The following DIAPH2 variants were observed in gnomAD, a reference collection of about 807,000 sequenced individuals.
DIAPH2 encodes protein diaphanous homolog 2.
DIAPH2 carries 35 observed loss-of-function variants against 92.7 expected under a neutral mutation model. The observed-to-expected ratio is 0.38, with a 90% CI of 0.29 to 0.50. The LOEUF is 0.50. DIAPH2 is among the 20% of genes least tolerant of loss of function. The probability of loss-of-function intolerance (pLI) is 0.94; values close to 1 mark genes in which losing one functional copy is unlikely to be tolerated. For synonymous variants in DIAPH2, 301 were observed against 280.4 expected, an observed-to-expected ratio of 1.07 and a Z score of -0.73; for missense variants, 701 against 819.5, an observed-to-expected ratio of 0.86 and a Z score of 1.77.
chrX:97,193,304 G>T (rs1033311722), intron 22 of DIAPH2, among the ~76,000 whole-genome samples: 1 of 111,295 alleles, frequency 9.0e-6, no homozygotes, highest in East Asian at 2.8e-4. Context: ...ATAAGCCACC[G>T]TGCCCAGCCC....
chrX:97,503,936 G>T (rs752625522), intron 26 of DIAPH2, among the ~76,000 whole-genome samples: 2 of 111,469 alleles, frequency 1.8e-5, no homozygotes, highest in Non-Finnish European at 3.8e-5. Flanking sequence ...TAAATAGTCA[G>T]CTATGTTAAG....
chrX:97,062,454 T>C (rs763411455), intron 17 of DIAPH2, among the ~76,000 whole-genome samples: 61 of 111,446 alleles, frequency 5.5e-4, no homozygotes, highest in African/African-American at 1.9e-3. Context: ...TTCAGCATGC[T>C]AATTCAGTAG....
chrX:96,831,253 C>T (rs233692), intron 4 of DIAPH2, among the ~76,000 whole-genome samples: 47,345 of 110,558 alleles, frequency 0.43, 8,887 homozygotes, highest in African/African-American at 0.74. Flanking sequence ...TACAAAGTAG[C>T]TCCCATTTCC....
chrX:96,815,516 G>A (rs1032924255), intron 4 of DIAPH2, among the ~76,000 whole-genome samples: 5 of 111,952 alleles, frequency 4.5e-5, no homozygotes, highest in South Asian at 3.7e-4. Context: ...GCTTCGTCTC[G>A]CCCTCCGTGG....
chrX:97,102,397 C>A (rs1045694216), intron 20 of DIAPH2, among the ~76,000 whole-genome samples: 1 of 111,744 alleles, frequency 8.9e-6, no homozygotes, highest in Non-Finnish European at 1.9e-5. Context: ...ACTTCAAAAC[C>A]TCCAATATTT....
chrX:97,244,876 G>A (rs1020146360), intron 22 of DIAPH2, among the ~76,000 whole-genome samples: 6 of 111,367 alleles, frequency 5.4e-5, no homozygotes, highest in African/African-American at 2.0e-4. Context: ...GGATCACAAG[G>A]TCAGGAGATC....
chrX:97,275,207 G>C (rs2068429984), intron 23 of DIAPH2, among the ~76,000 whole-genome samples: 1 of 110,061 alleles, frequency 9.1e-6, no homozygotes, highest in Middle Eastern at 4.7e-3. Context: ...TCACTTCCCA[G>C]AAGGGGCGGC....
At chrX:97,241,361 G>A (rs889053880) in intron 22 of DIAPH2, among the ~76,000 whole-genome samples, 3 of 109,250 alleles carry the variant, frequency 2.7e-5, no homozygotes, top group Non-Finnish European at 5.7e-5. Context: ...GCAGTGGTGC[G>A]ATCTTAGCTC....
intron 26 of DIAPH2, among the ~76,000 whole-genome samples, chrX:97,509,262 G>A (rs1048191462): frequency 1.8e-5 from 2 of 108,967 alleles, no homozygotes; most frequent in Non-Finnish European, 3.8e-5. Flanking sequence ...GACGAGGCTG[G>A]TGTTGAACTC....
chrX:97,543,200 G>A (rs767909351), intron 26 of DIAPH2, among the ~76,000 whole-genome samples: 7 of 111,969 alleles, frequency 6.3e-5, no homozygotes, highest in African/African-American at 2.3e-4. Flanking sequence ...CAAATTTCAT[G>A]GCTTCTCCAG....
chrX:97,131,189 A>T, intron 21 of DIAPH2, among the ~76,000 whole-genome samples: 1 of 111,612 alleles, frequency 9.0e-6, no homozygotes, highest in East Asian at 2.8e-4. Flanking sequence ...CACAAAAAAA[A>T]ATGGAAACCA....
chrX:96,831,256 C>T (rs1222930859), intron 4 of DIAPH2, among the ~76,000 whole-genome samples: 1 of 111,719 alleles, frequency 9.0e-6, no homozygotes, highest in African/African-American at 3.3e-5. Context: ...AAAGTAGCTC[C>T]CATTTCCCAT....
intron 21 of DIAPH2, among the ~76,000 whole-genome samples, chrX:97,133,999 T>C (rs189394395): frequency 8.9e-6 from 1 of 112,602 alleles, no homozygotes; most frequent in Admixed American, 9.4e-5. Flanking sequence ...ACAATGCAGA[T>C]TTGCTTGAGC....
intron 1 of DIAPH2, among the ~76,000 whole-genome samples, chrX:96,721,767 A>T (rs1215571434): frequency 8.9e-6 from 1 of 111,800 alleles, no homozygotes; most frequent in Non-Finnish European, 1.9e-5. Context: ...ATGATGCTGC[A>T]TACAGGACAG....
intron 23 of DIAPH2, among the ~76,000 whole-genome samples, chrX:97,301,171 A>G (rs2068702289): frequency 9.6e-6 from 1 of 104,669 alleles, no homozygotes; most frequent in Non-Finnish European, 1.9e-5. Flanking sequence ...AAAAAAAAAA[A>G]GAAAATTTAA....
At chrX:96,999,093 CCTGCTCAG>C (rs1289228105) in intron 17 of DIAPH2, among the ~76,000 whole-genome samples, 1 of 111,855 alleles carries the variant, frequency 8.9e-6, no homozygotes, top group Non-Finnish European at 1.9e-5. Flanking sequence ...AGTATTACTA[CCTGCTCAG>C]CTTCCCTATA....
At chrX:96,901,532 G>GTTTTTTTTTTTTTTTTTT (rs369526046) in intron 5 of DIAPH2, among the ~76,000 whole-genome samples, 1 of 33,082 alleles carries the variant, frequency 3.0e-5, no homozygotes, top group African/African-American at 1.0e-4. Context: ...TTTTCTTTCT[G>GTTTTTTTTTTTTTTTTTT]TTTTTTTTTT....
At chrX:97,464,524 C>T (rs901561088) in intron 26 of DIAPH2, among the ~76,000 whole-genome samples, 1 of 110,719 alleles carries the variant, frequency 9.0e-6, no homozygotes, top group African/African-American at 3.3e-5. Flanking sequence ...TGACATGGGT[C>T]TCTCCAAGTT....
At chrX:96,762,112 T>C (rs2064272838) in intron 4 of DIAPH2, among the ~76,000 whole-genome samples, 1 of 111,959 alleles carries the variant, frequency 8.9e-6, no homozygotes, top group South Asian at 3.7e-4. Flanking sequence ...TAATAACTGC[T>C]ATCGGATTAA....
Sources: gnomAD v4.1 joint callset for allele counts (sites outside exome capture counted in the v4.1 genomes callset) on GRCh38, gnomAD v4.1.1 for gene constraint, MANE v1.5 for transcripts, NCBI Gene and HGNC (gene_info 2026-07-23, HGNC 2026-07-21) for gene names.